Variants in APC observed in about 807,000 individuals in gnomAD.
APC encodes adenomatous polyposis coli protein.
Under a neutral mutation model 247.0 loss-of-function variants are expected in APC, and 72 were observed. The ratio of observed to expected loss-of-function variants is 0.29; its 90% CI spans 0.24 to 0.35. APC has a LOEUF of 0.35. APC is among the 10% of genes least tolerant of loss of function. APC has a pLI of 1.00. For missense variants in APC, 3,400 were observed against 3,360.7 expected (o/e 1.01, Z -0.29); for synonymous variants, 1,254 against 1,162.5 (o/e 1.08, Z -1.60).
At chr5:112,727,467 C>T (rs1468376058) in intron 1 of APC, among the ~76,000 whole-genome samples, 2 of 152,128 alleles carry the variant, frequency 1.3e-5, no homozygotes, top group Non-Finnish European at 2.9e-5. Context: ...GCTTTGGTTT[C>T]AAGTTCTAAA....
Position 112,838,952 on chromosome 5 carries a change from G to A in APC, c.3358G>A (p.Gly1120Arg), listed in dbSNP as rs1765404132. 6.2e-7 allele frequency: 1 copy of A among 1,614,038 alleles called. No individual in the cohort carries two copies. Among genetic ancestry groups the A allele is most frequent in the African/African-American group, 1.3e-5 (1 of 75,028 alleles). The change falls in exon 16 of 16, where the codon GGA (glycine) becomes AGA (arginine). Residue 1120 changes from glycine (G) to arginine (R), a missense_variant. Gly to Arg is a moderately radical substitution (Grantham distance 125). This residue lies in a region of APC where 715 missense variants were observed against 656.6 expected (regional missense o/e 1.09). Coordinates refer to ENST00000257430, the MANE Select transcript of APC (RefSeq NM_000038.6). ...SETNRVGSNH[G>R]INQNVSQSLC... The stretch of plus-strand genomic sequence containing the variant: ...AACAAATCGAGTGGGTTCTAATCAT[G>A]GAATTAATCAAAATGTAAGCCAGTC...
At chr5:112,728,863 A>G (rs1165101118) in intron 1 of APC, among the ~76,000 whole-genome samples, 1 of 152,148 alleles carries the variant, frequency 6.6e-6, no homozygotes, top group African/African-American at 2.4e-5. Flanking sequence ...TGTTCTAATT[A>G]TATATCCCTT....
chr5:112,782,149 A>T (rs994818953), intron 6 of APC, among the ~76,000 whole-genome samples: 2 of 152,230 alleles, frequency 1.3e-5, no homozygotes, highest in Admixed American at 1.3e-4. Flanking sequence ...TCATGGTGGA[A>T]GGCAAGGAGG....
rs1325776789 is a variant in APC at position 112,840,171 on chromosome 5, C to T, written c.4577C>T (p.Pro1526Leu). ...AAAGATGTGGAATTAAGAATAATGC[C>T]TCCAGTTCAGGAAAATGACAATGGG... is the stretch of plus-strand genomic sequence containing the variant. ...IQKDVELRIM[P>L]PVQENDNGNE... Residue 1526 changes from proline (P) to leucine (L), a missense_variant, in exon 16 of 16, where the codon CCT (proline) becomes CTT (leucine). This residue lies in a region of APC where 1,788 missense variants were observed against 1,649.5 expected (regional missense o/e 1.08). Coordinates refer to ENST00000257430, the MANE Select transcript of APC (RefSeq NM_000038.6). The surrounding 1 kb of genome is among the most constrained non-coding windows in gnomAD (Gnocchi z 4.1). The T allele has an allele frequency of 6.2e-7, 1 of 1,613,988 alleles. No individual in the cohort carries two copies. The highest frequency in any genetic ancestry group is 8.5e-7 in the Non-Finnish European group (1 of 1,180,012).
chr5:112,753,819 T>C (rs1754652207), intron 1 of APC, among the ~76,000 whole-genome samples: 1 of 152,244 alleles, frequency 6.6e-6, no homozygotes, highest in East Asian at 1.9e-4. Flanking sequence ...GGCATTTTTT[T>C]AATGTCAAGA....
intron 11 of APC, among the ~76,000 whole-genome samples, chr5:112,822,235 G>A (rs988834132): frequency 1.3e-5 from 2 of 151,992 alleles, no homozygotes; most frequent in Non-Finnish European, 2.9e-5. Context: ...CAAAATCGAA[G>A]CCGGAGATTG....
intron 1 of APC, among the ~76,000 whole-genome samples, chr5:112,725,530 G>A (rs1751727035): frequency 6.6e-6 from 1 of 152,084 alleles, no homozygotes; most frequent in South Asian, 2.1e-4. Context: ...GAGGTGGATG[G>A]ATCCCTTGAG....
At chr5:112,721,391 G>C (rs761221466) in intron 1 of APC, among the ~76,000 whole-genome samples, 1 of 152,076 alleles carries the variant, frequency 6.6e-6, no homozygotes, top group African/African-American at 2.4e-5. Context: ...TCTAGCCTTG[G>C]CAACAGTGAG....
chr5:112,762,835 G>A (rs1049239637), intron 2 of APC, among the ~76,000 whole-genome samples: 1 of 152,062 alleles, frequency 6.6e-6, no homozygotes, highest in African/African-American at 2.4e-5. Flanking sequence ...AATAAAACAG[G>A]AAAAAAATTA....
At chr5:112,722,611 G>T (rs1751545976) in intron 1 of APC, among the ~76,000 whole-genome samples, 1 of 151,896 alleles carries the variant, frequency 6.6e-6, no homozygotes, top group South Asian at 2.1e-4. Flanking sequence ...TTGGCTTCAA[G>T]TTGGGTTTCC....
chr5:112,767,310 T>A lies in APC; in HGVS notation c.342T>A (p.Pro114=), dbSNP rs2149789023. Residue 114 remains proline (P), a synonymous_variant, in exon 4 of 16, where the codon CCT becomes CCA. Transcript: ENST00000257430. Reference sequence around the variant, plus strand: ...GTTCTGGAGAGTGCAGTCCTGTTCCTATGGGTTCATTTCCAAGAAGAGGGT... The same window carrying A: ...GTTCTGGAGAGTGCAGTCCTGTTCCAATGGGTTCATTTCCAAGAAGAGGGT... ...SSRSGECSPV[P]MGSFPRRGFV... is the part of the protein sequence containing the mutation. 6.2e-7 allele frequency: 1 copy of A among 1,614,154 alleles called. No individual in the cohort carries two copies. The highest frequency in any genetic ancestry group is 2.2e-5 in the East Asian group (1 of 44,880).
chr5:112,811,219 A>G (rs1262458448), intron 8 of APC, among the ~76,000 whole-genome samples: 1 of 152,222 alleles, frequency 6.6e-6, no homozygotes, highest in Non-Finnish European at 1.5e-5. Flanking sequence ...AGTGTCAGGA[A>G]TGATACAGCG....
intron 1 of APC, among the ~76,000 whole-genome samples, chr5:112,726,327 G>A (rs1258788711): frequency 3.2e-4 from 48 of 152,238 alleles, no homozygotes; most frequent in Non-Finnish European, 5.9e-5. Context: ...GTGGCTCTCA[G>A]TGAGATGGAT....
intron 7 of APC, among the ~76,000 whole-genome samples, chr5:112,796,222 G>T (rs1760199589): frequency 6.6e-6 from 1 of 152,180 alleles, no homozygotes; most frequent in African/African-American, 2.4e-5. Context: ...TGGAAAATTT[G>T]TGTAACAATA....
chr5:112,762,075 AAAT>A (rs1755736091), intron 2 of APC, among the ~76,000 whole-genome samples: 1 of 152,224 alleles, frequency 6.6e-6, no homozygotes, highest in Non-Finnish European at 1.5e-5. Context: ...CCAGTTTTTA[AAAT>A]GTGACCCAGG....
At position 112,846,067 on chromosome 5, in the gene APC, T is replaced by C. The variant is rs1332060795; in HGVS notation, c.*1941T>C. 8.6e-6 allele frequency: 2 copies of C among 232,082 alleles called. No homozygotes were observed. The highest frequency in any genetic ancestry group is 5.6e-5 in the Admixed American group (1 of 17,744). 14.4% of individuals were successfully genotyped at this position (232,082 alleles called of 1,614,324 possible). ...AAGTGCTATGACTTGAGCTAAGATA[T>C]TTGACTCCAATGCCTGTACTGTGTC... On this transcript the variant is annotated 3_prime_UTR_variant, in exon 16 of 16. Transcript: ENST00000257430.
rs752050909 is a variant in APC, at chr5:112,815,608, C to T, written c.933+15C>T. ...TGGGAACCAAGGTAACAGAAGATTA[C>T]AAACCCTGGTCACTAATGCCATGAC... On this transcript the variant is annotated intron_variant, in intron 9 of 15. Coordinates refer to ENST00000257430, the MANE Select transcript of APC (RefSeq NM_000038.6). 6.3e-7 allele frequency: 1 copy of T among 1,595,530 alleles called. No individual in the cohort carries two copies. The highest frequency in any genetic ancestry group is 1.7e-5 in the Admixed American group (1 of 59,744).
At chr5:112,722,196 ATT>A (rs1009812284) in intron 1 of APC, among the ~76,000 whole-genome samples, 1 of 152,188 alleles carries the variant, frequency 6.6e-6, no homozygotes, top group Non-Finnish European at 1.5e-5. Flanking sequence ...CATCTATTGT[ATT>A]TTAGTACAGT....
chr5:112,780,701 T>A, intron 5 of APC, 89 bp from the exon 6 acceptor site: 12 of 913,044 alleles, frequency 1.3e-5, no homozygotes, highest in Non-Finnish European at 2.1e-5. Context: ...GCTTATTCAT[T>A]TTCTTTATTG....
Sources: allele counts gnomAD v4.1 joint callset (sites outside exome capture counted in the v4.1 genomes callset), GRCh38; gene constraint gnomAD v4.1.1; regional missense constraint gnomAD v4.1.1; non-coding constraint Gnocchi (gnomAD v3.1); transcripts MANE v1.5; gene names NCBI Gene and HGNC (gene_info 2026-07-23, HGNC 2026-07-21).